Variants in ZNF26 observed in about 807,000 individuals in gnomAD.
ZNF26 encodes the protein epididymis luminal protein 179.
In ZNF26, 32 loss-of-function variants were observed where a neutral mutation model predicts 54.9. The ratio of observed to expected loss-of-function variants is 0.58; its 90% CI spans 0.44 to 0.78. The LOEUF (loss-of-function observed/expected upper bound fraction) is 0.78. ZNF26 is among the 30% of genes least tolerant of loss of function. The pLI is 0.00. For missense variants in ZNF26, 524 were observed against 634.0 expected (o/e 0.83, Z 1.86); for synonymous variants, 221 against 209.2 (o/e 1.06, Z -0.49).
At position 133,014,553 on chromosome 12, in the gene ZNF26, T is replaced by G. The variant is rs1429830098; in HGVS notation, c.*3072T>G. On this transcript the variant is annotated 3_prime_UTR_variant, in exon 4 of 4. Coordinates refer to ENST00000328654, the MANE Select transcript of ZNF26 (RefSeq NM_019591.4). The stretch of plus-strand genomic sequence containing the variant: ...TTTTTTTTTTTGTTTTGTTTTGTTT[T>G]TTTTTTTTTTTGAGACGGAGTCTTG... 2.7e-5 allele frequency: 4 copies of G among 150,082 alleles called. No homozygotes were observed. Among genetic ancestry groups the G allele is most frequent in the Non-Finnish European group, 5.9e-5 (4 of 67,720 alleles). The allele number at this position is 150,082 out of a possible 1,614,324, so 9.3% of individuals were successfully genotyped here. A position where few individuals can be genotyped will look rare whatever the true frequency, so the allele number is the denominator to read the frequency against.
In ZNF26 at chr12:133,001,498, G is replaced by T; in HGVS notation, c.34-5544G>T. On this transcript the variant is annotated intron_variant, in intron 1 of 3. Coordinates refer to ENST00000328654, the MANE Select transcript of ZNF26 (RefSeq NM_019591.4). This position sits in a 1 kb window ranked among gnomAD's most constrained non-coding sequence, Gnocchi z 4.7. Reference sequence around the variant, plus strand: ...GTACCCAGAGTTATGACAGGCATCAGTGGGGCTTGGTTGGAGCCTCTGACA... The same window carrying T: ...GTACCCAGAGTTATGACAGGCATCATTGGGGCTTGGTTGGAGCCTCTGACA... 1 of 383,472 alleles carries T rather than the reference G, an allele frequency of 2.6e-6. No individual in the cohort carries two copies. The highest frequency in any genetic ancestry group is 4.9e-6 in the Non-Finnish European group (1 of 203,024). The allele number at this position is 383,472 out of a possible 1,614,324, so 23.8% of individuals were successfully genotyped here.
rs1280345011 is a variant in ZNF26 at position 133,003,877 on chromosome 12, C to T, written c.34-3165C>T. Among the ~76,000 whole-genome samples the T allele has an allele frequency of 1.2e-3, 175 of 152,132 alleles. 1 individual carries two copies. Among genetic ancestry groups the T allele is most frequent in the Non-Finnish European group, 7.4e-5 (5 of 68,020 alleles). On this transcript the variant is annotated intron_variant, in intron 1 of 3. Coordinates refer to ENST00000328654, the MANE Select transcript of ZNF26 (RefSeq NM_019591.4). ...AGGAGTCTGTTGGCTGTAGTGAGAC[C>T]GTCATGCTACTTGGGATGTATAAAT...
At chr12:133,008,775 CAA>C (rs57200465) in intron 3 of ZNF26, among the ~76,000 whole-genome samples, 28 of 61,460 alleles carry the variant, frequency 4.6e-4, no homozygotes, top group Admixed American at 1.2e-3. Context: ...GACTCCATCT[CAA>C]AAAAAAAAAA....
chr12:133,004,827 A>C (rs1953289546), intron 1 of ZNF26: 1 of 151,908 alleles, frequency 6.6e-6, no homozygotes, highest in African/African-American at 2.4e-5. Context: ...AATGTCTTTT[A>C]TTTTCCCTTA....
intron 2 of ZNF26, 131 bp downstream of exon 2, chr12:133,007,299 C>T: frequency 7.4e-7 from 1 of 1,346,460 alleles, no homozygotes; most frequent in East Asian, 2.3e-5. Flanking sequence ...GTCAAATTTC[C>T]TTAGTCCCTG....
chr12:133,009,320 C>A (rs1205975616), intron 3 of ZNF26, among the ~76,000 whole-genome samples: 1 of 152,168 alleles, frequency 6.6e-6, no homozygotes, highest in Non-Finnish European at 1.5e-5. Flanking sequence ...AGGCTGGGCA[C>A]AGTGGCTCAC....
Position 133,013,574 on chromosome 12 carries a change from T to C in ZNF26, c.*2093T>C, listed in dbSNP as rs1024059658. 6.4e-6 allele frequency: 1 copy of C among 157,168 alleles called. No individual in the cohort carries two copies. The highest frequency in any genetic ancestry group is 1.4e-5 in the Non-Finnish European group (1 of 70,290). The allele number at this position is 157,168 out of a possible 1,614,324, so 9.7% of individuals were successfully genotyped here. ...CCTAGCAAACTCTTCTGATAGACTTTGAATAGGAATGTCTGGGAAGAACCT... is the reference window on the plus strand; with the variant it reads ...CCTAGCAAACTCTTCTGATAGACTTCGAATAGGAATGTCTGGGAAGAACCT... On this transcript the variant is annotated 3_prime_UTR_variant, in exon 4 of 4. Coordinates refer to ENST00000328654, the MANE Select transcript of ZNF26 (RefSeq NM_019591.4).
At chr12:132,993,892 T>C (rs1953018722) in intron 1 of ZNF26, among the ~76,000 whole-genome samples, 1 of 152,170 alleles carries the variant, frequency 6.6e-6, no homozygotes. Context: ...GGGTGAGCAT[T>C]CTGTAGGCCC....
rs1566265529 is a variant in ZNF26, at chr12:133,010,590, G to C, written c.711G>C (p.Lys237Asn). 6.2e-7 allele frequency: 1 copy of C among 1,613,810 alleles called. No homozygotes were observed. Among genetic ancestry groups the C allele is most frequent in the East Asian group, 2.2e-5 (1 of 44,874 alleles). The change falls in exon 4 of 4, where the codon AAG becomes AAC. Residue 237 changes from lysine (K) to asparagine (N), a missense_variant. Physicochemically the swap from Lys to Asn is moderately conservative, Grantham distance 94 (BLOSUM62 0). Coordinates refer to ENST00000328654, the MANE Select transcript of ZNF26 (RefSeq NM_019591.4). ...EKPYSCSECE[K>N]VFSFRSQLIV... ...CCTACTCATGTAGTGAGTGCGAGAAGGTCTTCTCTTTCAGGTCACAGCTCA... is the reference window on the plus strand; with the variant it reads ...CCTACTCATGTAGTGAGTGCGAGAACGTCTTCTCTTTCAGGTCACAGCTCA...
Position 133,015,510 on chromosome 12 carries a change from A to T in ZNF26, c.*4029A>T, listed in dbSNP as rs1301862436. 1 of 149,048 alleles carries T rather than the reference A, an allele frequency of 6.7e-6. No homozygotes were observed. The highest frequency in any genetic ancestry group is 1.5e-5 in the Non-Finnish European group (1 of 67,360). 9.2% of individuals were successfully genotyped at this position (149,048 alleles called of 1,614,324 possible). On this transcript the variant is annotated 3_prime_UTR_variant, in exon 4 of 4. Transcript: ENST00000328654. The stretch of plus-strand genomic sequence containing the variant: ...AAAGAGAACTAAAAAATGAAAAAAA[A>T]TAAGATGCTTTCCTATGGTCCCAGC...
In ZNF26 at chr12:133,010,928, C is replaced by T. The variant is rs1429918788; in HGVS notation, c.1049C>T (p.Ala350Val). ...TATCAATGCAGTGATTGTGGGAAAG[C>T]CTTCAATATGAAGACACAACTCATT... is the stretch of plus-strand genomic sequence containing the variant. ...KPYQCSDCGK[A>V]FNMKTQLIVH... is the part of the protein sequence containing the mutation. Residue 350 changes from alanine (A) to valine (V), a missense_variant, in exon 4 of 4, where the codon GCC becomes GTC. Ala to Val is a moderately conservative substitution (Grantham distance 64, BLOSUM62 0). Transcript: ENST00000328654. 1.9e-6 allele frequency: 3 copies of T among 1,613,960 alleles called. No homozygotes were observed. The South Asian group carries it at 3.3e-5, about 18-fold the overall frequency.
chr12:133,003,166 T>C (rs1953254475), intron 1 of ZNF26, among the ~76,000 whole-genome samples: 1 of 152,198 alleles, frequency 6.6e-6, no homozygotes, highest in Non-Finnish European at 1.5e-5. Context: ...GAGCTTTTGC[T>C]CACGGAAGTC....
chr12:133,004,253 A>G (rs1302241484), intron 1 of ZNF26, among the ~76,000 whole-genome samples: 1 of 152,232 alleles, frequency 6.6e-6, no homozygotes, highest in South Asian at 2.1e-4. Flanking sequence ...CCTTTAAAAC[A>G]AAGTCTAAAC....
chr12:132,990,528 T>A (rs1277072474), intron 1 of ZNF26, among the ~76,000 whole-genome samples: 1 of 152,190 alleles, frequency 6.6e-6, no homozygotes, highest in Non-Finnish European at 1.5e-5. Flanking sequence ...TCTGTCTGGT[T>A]TTGGTATTAG....
chr12:133,007,356 C>G, intron 2 of ZNF26, 81 bp from the exon 3 acceptor site: 1 of 1,331,250 alleles, frequency 7.5e-7, no homozygotes, highest in African/African-American at 1.5e-5. Context: ...GTGAGATGAG[C>G]AGTTTTGCTC....
At chr12:132,988,795 A>G (rs1047461345) in intron 1 of ZNF26, among the ~76,000 whole-genome samples, 1 of 152,110 alleles carries the variant, frequency 6.6e-6, no homozygotes, top group Non-Finnish European at 1.5e-5. Flanking sequence ...CTTAGTTTTC[A>G]TTCAGCAGTG....
rs931989906 is a variant in ZNF26 at position 133,026,098 on chromosome 12, A to C, written c.*14617A>C. On this transcript the variant is annotated 3_prime_UTR_variant, in exon 4 of 4. Coordinates refer to ENST00000328654, the MANE Select transcript of ZNF26 (RefSeq NM_019591.4). Reference sequence around the variant, plus strand: ...TCTGACCCAGGAAACTATTAGATATAATAAGTCACTTTTTTTTTTTTTTGA... The same window carrying C: ...TCTGACCCAGGAAACTATTAGATATCATAAGTCACTTTTTTTTTTTTTTGA... 3.3e-5 allele frequency: 5 copies of C among 151,946 alleles called. No homozygotes were observed. Among genetic ancestry groups the C allele is most frequent in the African/African-American group, 1.2e-4 (5 of 41,310 alleles). 9.4% of individuals were successfully genotyped at this position (151,946 alleles called of 1,614,324 possible).
chr12:133,008,791 A>G (rs896132700), intron 3 of ZNF26, among the ~76,000 whole-genome samples: 49 of 151,870 alleles, frequency 3.2e-4, no homozygotes, highest in Admixed American at 9.8e-4. Context: ...AAAAAAAAAA[A>G]AAAAGAAAAA....
chr12:133,023,447 A>G lies in ZNF26; in HGVS notation c.*11966A>G, dbSNP rs999314880. 1 of 152,198 alleles carries G rather than the reference A, an allele frequency of 6.6e-6. No homozygotes were observed. Among genetic ancestry groups the G allele is most frequent in the Non-Finnish European group, 1.5e-5 (1 of 68,024 alleles). The allele number at this position is 152,198 out of a possible 1,614,324, so 9.4% of individuals were successfully genotyped here. ...AAATTCACCTAGAAATTCTTTTATA[A>G]CCTTTACACCAAATCAGGATAGAGA... is the stretch of plus-strand genomic sequence containing the variant. On this transcript the variant is annotated 3_prime_UTR_variant, in exon 4 of 4. Transcript: ENST00000328654.
Sources: allele counts gnomAD v4.1 joint callset (sites outside exome capture counted in the v4.1 genomes callset), GRCh38; gene constraint gnomAD v4.1.1; non-coding constraint Gnocchi (gnomAD v3.1); transcripts MANE v1.5; gene names NCBI Gene and HGNC (gene_info 2026-07-23, HGNC 2026-07-21).